NPC1: variants seen among roughly 807,000 people sequenced by gnomAD.
The protein encoded by NPC1 is Niemann-Pick C1 protein.
Under a neutral mutation model 140.4 loss-of-function variants are expected in NPC1, and 85 were observed. The ratio of observed to expected loss-of-function variants is 0.61; its 90% CI spans 0.51 to 0.72. NPC1 has a LOEUF of 0.72. NPC1 is among the 30% of genes least tolerant of loss of function. NPC1 has a pLI of 0.00. For synonymous variants in NPC1, 656 were observed against 624.8 expected (o/e 1.05, Z -0.74); for missense variants, 1,504 against 1,623.8 (o/e 0.93, Z 1.27).
At chr18:23,515,517 A>G (rs1006656898) in intron 3 of NPC1, among the ~76,000 whole-genome samples, 2 of 152,062 alleles carry the variant, frequency 1.3e-5, no homozygotes, top group Admixed American at 1.3e-4. Flanking sequence ...ATCTTCTGAC[A>G]GTTTGCTGTT....
chr18:23,529,131 C>T (rs1417178997), downstream of NPC1: 15 of 1,591,156 alleles, frequency 9.4e-6, no homozygotes, highest in Non-Finnish European at 1.3e-5. Context: ...AAACAGCACC[C>T]TTCCTCTAAG....
At chr18:23,513,688 A>G (rs1480053627) in intron 3 of NPC1, among the ~76,000 whole-genome samples, 1 of 152,128 alleles carries the variant, frequency 6.6e-6, no homozygotes, top group African/African-American at 2.4e-5. Flanking sequence ...GTTTCTCCAT[A>G]TCCTCACCAA....
chr18:23,563,385 G>A (rs2059072630), intron 4 of NPC1, among the ~76,000 whole-genome samples: 2 of 152,224 alleles, frequency 1.3e-5, no homozygotes, highest in East Asian at 3.8e-4. Context: ...GAGTGGAACT[G>A]ATGGGTCATA....
At chr18:23,559,883 G>A (rs999800096) in intron 6 of NPC1, among the ~76,000 whole-genome samples, 2 of 152,224 alleles carry the variant, frequency 1.3e-5, no homozygotes, top group Non-Finnish European at 2.9e-5. Flanking sequence ...GCTTAAACCT[G>A]GGAGGTGGAG....
At chr18:23,513,770 T>C (rs1371986363) in intron 3 of NPC1, among the ~76,000 whole-genome samples, 1 of 152,234 alleles carries the variant, frequency 6.6e-6, no homozygotes, top group Admixed American at 6.5e-5. Flanking sequence ...GCGCTCTTTG[T>C]TGATTAGTGA....
intron 1 of NPC1, among the ~76,000 whole-genome samples, chr18:23,584,743 T>C (rs533671784): frequency 5.7e-4 from 87 of 152,242 alleles, no homozygotes; most frequent in African/African-American, 1.9e-3. Flanking sequence ...CCTGTAATCC[T>C]AGCTACCTGG....
chr18:23,532,741 A>G, intron 24 of NPC1: 1 of 226,756 alleles, frequency 4.4e-6, no homozygotes, highest in Non-Finnish European at 7.0e-6. Context: ...ATTAGATTGT[A>G]ATAGAACTAC....
intron 23 of NPC1, 38 bp from the exon 24 acceptor site, chr18:23,533,555 CA>C: frequency 6.3e-7 from 1 of 1,595,510 alleles, no homozygotes; most frequent in Non-Finnish European, 8.6e-7. Context: ...CCACTTTTAC[CA>C]ACCTGTAATT....
chr18:23,544,269 T>C (rs1756862104), intron 13 of NPC1, 75 bp downstream of exon 13: 1 of 1,409,806 alleles, frequency 7.1e-7, no homozygotes, highest in Middle Eastern at 1.8e-4. Flanking sequence ...CACTCACGAA[T>C]GCGGAGCCCA....
chr18:23,586,399 G>T lies in NPC1; in HGVS notation c.-56C>A. The T allele has an allele frequency of 6.5e-7, 1 of 1,528,886 alleles. No individual in the cohort carries two copies. The highest frequency in any genetic ancestry group is 8.7e-7 in the Non-Finnish European group (1 of 1,144,156). The allele number at this position is 1,528,886 out of a possible 1,614,324, so 94.7% of individuals were successfully genotyped here. A position where few individuals can be genotyped will look rare whatever the true frequency, so the allele number is the denominator to read the frequency against. ...CGGCGTTCGGCTGGTTGGGCTCCCCGGAGGCGGCTCTACTTCCCCGGGCTG... is the reference window on the plus strand; with the variant it reads ...CGGCGTTCGGCTGGTTGGGCTCCCCTGAGGCGGCTCTACTTCCCCGGGCTG... On this transcript the variant is annotated 5_prime_UTR_variant, in exon 1 of 25. Coordinates refer to ENST00000269228, the MANE Select transcript of NPC1 (RefSeq NM_000271.5).
chr18:23,551,490 T>TA (rs2058871984), intron 10 of NPC1, 137 bp downstream of exon 10: 1 of 783,258 alleles, frequency 1.3e-6, no homozygotes. Flanking sequence ...CCAAAGGAGA[T>TA]ACTATTCTGG....
intron 13 of NPC1, 34 bp downstream of exon 13, chr18:23,544,310 A>G: frequency 1.2e-6 from 2 of 1,606,964 alleles, no homozygotes; most frequent in Non-Finnish European, 1.7e-6. Flanking sequence ...AAACTTGAAC[A>G]GATGCTGAGC....
chr18:23,527,793 A>C, downstream of NPC1: 1 of 1,612,838 alleles, frequency 6.2e-7, no homozygotes, highest in Non-Finnish European at 8.5e-7. Flanking sequence ...GTGCCTTTCC[A>C]GTGTTAAGTG....
intron 10 of NPC1, among the ~76,000 whole-genome samples, chr18:23,551,228 C>T (rs72884600): frequency 0.072 from 10,959 of 152,262 alleles, 505 homozygotes; most frequent in Non-Finnish European, 0.11. Flanking sequence ...GTTTCTTTTT[C>T]CACATACCTC....
intron 3 of NPC1, chr18:23,515,984 TTTTCAC>T: frequency 6.2e-7 from 1 of 1,614,050 alleles, no homozygotes; most frequent in Non-Finnish European, 8.5e-7. Flanking sequence ...TCCTGCAGCC[TTTTCAC>T]TTTAGGGTAA....
rs1488888192 is a variant in NPC1 at position 23,540,358 on chromosome 18, T to G, written c.2604+90A>C. The G allele has an allele frequency of 2.1e-5, 18 of 870,064 alleles. 1 individual carries two copies. The Admixed American group carries it at 3.6e-4, about 17-fold the overall frequency. The allele number at this position is 870,064 out of a possible 1,614,324, so 53.9% of individuals were successfully genotyped here. On this transcript the variant is annotated intron_variant, in intron 17 of 24. Transcript: ENST00000269228. ...ACCATTTGCAGTTAGAAGCAGGCACTTGCTTGAAACACCTACGTGCATGTT... is the reference window on the plus strand; with the variant it reads ...ACCATTTGCAGTTAGAAGCAGGCACGTGCTTGAAACACCTACGTGCATGTT...
intron 3 of NPC1, among the ~76,000 whole-genome samples, chr18:23,513,286 G>A (rs554792052): frequency 2.0e-5 from 3 of 152,296 alleles, no homozygotes; most frequent in Non-Finnish European, 4.4e-5. Context: ...TCATATAAGT[G>A]AAATTATACA....
intron 11 of NPC1, among the ~76,000 whole-genome samples, 200 bp from the exon 12 acceptor site, chr18:23,545,349 TCTC>T (rs2058774601): frequency 1.3e-5 from 2 of 152,122 alleles, no homozygotes; most frequent in Admixed American, 1.3e-4. Context: ...TTTGAGTGCT[TCTC>T]CTGCCCCAGC....
intron 21 of NPC1, 71 bp from the exon 22 acceptor site, chr18:23,535,771 C>T (rs2058620900): frequency 9.9e-7 from 1 of 1,012,458 alleles, no homozygotes; most frequent in East Asian, 2.4e-5. Flanking sequence ...ATCCTGTCAC[C>T]ACTGCCAAGT....
Sources: allele counts gnomAD v4.1 joint callset (sites outside exome capture counted in the v4.1 genomes callset), GRCh38; gene constraint gnomAD v4.1.1; transcripts MANE v1.5; gene names NCBI Gene and HGNC (gene_info 2026-07-23, HGNC 2026-07-21).